Variants in TOP2A observed in about 807,000 individuals in gnomAD.
TOP2A encodes the protein DNA topoisomerase II alpha, also known as DNA topoisomerase 2-alpha.
A neutral mutation model predicts 187.2 loss-of-function variants in TOP2A; 68 were observed. The observed-to-expected ratio is 0.36, with a 90% CI of 0.30 to 0.44. TOP2A has a LOEUF of 0.44. Among genes scored for constraint, TOP2A ranks in the 20% least tolerant of loss-of-function variants. The pLI is 1.00. For synonymous variants in TOP2A, 542 were observed against 593.2 expected, an observed-to-expected ratio of 0.91 and a Z score of 1.25; for missense variants, 1,196 against 1,808.7, an observed-to-expected ratio of 0.66 and a Z score of 6.14.
At chr17:40,395,665 G>A (rs1313155327) in intron 28 of TOP2A, 126 bp from the exon 29 acceptor site, 5 of 551,684 alleles carry the variant, frequency 9.1e-6, no homozygotes, top group African/African-American at 1.9e-5. Flanking sequence ...GGAGGCCGTG[G>A]TGGGCAGATC....
In TOP2A at chr17:40,400,591, C is replaced by T. The variant is rs755029136; in HGVS notation, c.2737G>A (p.Val913Ile). Residue 913 changes from valine (V) to isoleucine (I), a missense_variant, in exon 22 of 35, where the codon GTA becomes ATA. Val to Ile is a conservative substitution (Grantham distance 29). Around this residue, in one of 10 missense-constraint regions of TOP2A, gnomAD observed 232 missense variants for 306.1 expected, o/e 0.76. Transcript: ENST00000423485. ...ATGGTTGTAGAATTAAGAATAGCTA[C>T]TTCACCACTAATCACATATTGATTT... ...APNQYVISGE[V>I]AILNSTTIEI... The T allele has an allele frequency of 1.9e-6, 3 of 1,611,696 alleles. No homozygotes were observed. Among genetic ancestry groups the T allele is most frequent in the South Asian group, 2.2e-5 (2 of 90,430 alleles).
At chr17:40,390,299 C>T (rs1379981351) in intron 33 of TOP2A, 135 bp from the exon 34 acceptor site, 29 of 771,646 alleles carry the variant, frequency 3.8e-5, no homozygotes, top group Non-Finnish European at 5.8e-5. Flanking sequence ...AGCGATTCTC[C>T]TGCCTCAGCC....
intron 10 of TOP2A, 97 bp from the exon 11 acceptor site, chr17:40,408,727 A>C (rs763697923): frequency 3.8e-6 from 5 of 1,308,850 alleles, no homozygotes; most frequent in Non-Finnish European, 5.5e-6. Context: ...AATAAAAATG[A>C]TTCAAAAATT....
intron 17 of TOP2A, 117 bp downstream of exon 17, chr17:40,404,674 T>A: frequency 1.3e-6 from 1 of 784,596 alleles, no homozygotes; most frequent in Non-Finnish European, 2.1e-6. Context: ...GCTGCACAAC[T>A]CTATCATATC....
chr17:40,392,547 C>G, intron 30 of TOP2A, 38 bp downstream of exon 30: 1 of 1,587,108 alleles, frequency 6.3e-7, no homozygotes, highest in South Asian at 1.2e-5. Flanking sequence ...CCATTCCACT[C>G]TTACAGTTTA....
rs781108895 is a variant in TOP2A at position 40,404,250 on chromosome 17, C to T, written c.2185G>A (p.Val729Ile). 3 of 1,613,670 alleles carry T rather than the reference C, an allele frequency of 1.9e-6. No homozygotes were observed. The highest frequency in any genetic ancestry group is 3.3e-5 in the Admixed American group (2 of 59,974). Reference sequence around the variant, plus strand: ...TTCCGTTTGAAGCAAGTAAACAAAACCTTTCTCTGACCTGGTTTCAAACCT... The same window carrying T: ...TTCCGTTTGAAGCAAGTAAACAAAATCTTTCTCTGACCTGGTTTCAAACCT... ...VDGLKPGQRK[V>I]LFTCFKRNDK... Residue 729 changes from valine (V) to isoleucine (I), a missense_variant, in exon 19 of 35, where the codon GTT becomes ATT. This residue lies in a region of TOP2A where 209 missense variants were observed against 376.9 expected (regional missense o/e 0.55). Coordinates refer to ENST00000423485, the MANE Select transcript of TOP2A (RefSeq NM_001067.4).
chr17:40,404,968 G>C, intron 16 of TOP2A, 85 bp from the exon 17 acceptor site: 34 of 730,526 alleles, frequency 4.7e-5, no homozygotes, highest in Non-Finnish European at 6.8e-5. Flanking sequence ...ACGAACAACA[G>C]AAAAACAAAA....
chr17:40,395,639 T>A (rs2035086614), intron 28 of TOP2A, 100 bp from the exon 29 acceptor site: 5 of 737,144 alleles, frequency 6.8e-6, no homozygotes, highest in Non-Finnish European at 1.1e-5. Flanking sequence ...CTCACGCCTG[T>A]AATCCCAGCA....
chr17:40,390,027 A>G lies in TOP2A; in HGVS notation c.4405T>C (p.Ser1469Pro). 2 of 1,613,910 alleles carry G rather than the reference A, an allele frequency of 1.2e-6. No homozygotes were observed. Among genetic ancestry groups the G allele is most frequent in the Non-Finnish European group, 1.7e-6 (2 of 1,179,864 alleles). ...KTKNRRKRKP[S>P]TSDDSDSNFE... ...TTAGAGTCAGAATCATCAGAAGTGG[A>G]TGGCTTCCTTTTGCGGCGATTCTTG... is the stretch of plus-strand genomic sequence containing the variant. Residue 1469 changes from serine to proline, a missense_variant, in exon 34 of 35, where the codon TCC (serine) becomes CCC (proline). By Grantham distance (74) the Ser-to-Pro change is moderately conservative. Around this residue, in one of 10 missense-constraint regions of TOP2A, gnomAD observed 374 missense variants for 403.3 expected, o/e 0.93. Coordinates refer to ENST00000423485, the MANE Select transcript of TOP2A (RefSeq NM_001067.4).
Position 40,398,899 on chromosome 17 carries a change from T to C in TOP2A, c.3327A>G (p.Glu1109=). 1 of 1,612,584 alleles carries C rather than the reference T, an allele frequency of 6.2e-7. No homozygotes were observed. The highest frequency in any genetic ancestry group is 2.2e-5 in the East Asian group (1 of 44,848). The change falls in exon 26 of 35, where the codon GAA becomes GAG. Residue 1109 remains glutamate, a synonymous_variant. Transcript: ENST00000423485. ...DEEENEESDN[E]KETEKSDSVT... is the part of the protein sequence containing the mutation. ...CGGAGTCACTCTTTTCAGTTTCCTTTTCGTTGTCACTCTCTTCATTTTCTT... is the reference window on the plus strand; with the variant it reads ...CGGAGTCACTCTTTTCAGTTTCCTTCTCGTTGTCACTCTCTTCATTTTCTT...
intron 13 of TOP2A, 29 bp downstream of exon 13, chr17:40,407,520 C>T (rs773217843): frequency 2.0e-6 from 3 of 1,515,514 alleles, no homozygotes; most frequent in South Asian, 1.3e-5. Flanking sequence ...TTTAGTTGAA[C>T]AATCTAAAAA....
At position 40,400,633 on chromosome 17, in the gene TOP2A, T is replaced by C. The variant is rs542323139; in HGVS notation, c.2695A>G (p.Ile899Val). Reference sequence around the variant, plus strand: ...TATTGATTTGGAGCCAGTTCTTCAATAGTACCCTTGAAGTTCTTGTAACTT... The same window carrying C: ...TATTGATTTGGAGCCAGTTCTTCAACAGTACCCTTGAAGTTCTTGTAACTT... ...LPSYKNFKGT[I>V]EELAPNQYVI... is the part of the protein sequence containing the mutation. The change falls in exon 22 of 35, where the codon ATT becomes GTT. Residue 899 changes from isoleucine to valine, a missense_variant. By Grantham distance (29) the Ile-to-Val change is conservative. Around this residue, in one of 10 missense-constraint regions of TOP2A, gnomAD observed 232 missense variants for 306.1 expected, o/e 0.76. Transcript: ENST00000423485. The C allele has an allele frequency of 2.5e-6, 4 of 1,606,000 alleles. No individual in the cohort carries two copies. The South Asian group carries it at 3.4e-5, about 14-fold the overall frequency.
rs369116933 is a variant in TOP2A, at chr17:40,389,991, T to C, written c.4441A>G (p.Ile1481Val). 1 of 1,613,714 alleles carries C rather than the reference T, an allele frequency of 6.2e-7. No homozygotes were observed. ...TTGCTTGTGACTGCTTTCGAAACAA[T>C]TTTCTCAAAATTAGAGTCAGAATCA... ...SDDSDSNFEK[I>V]VSKAVTSKKS... is the part of the protein sequence containing the mutation. The change falls in exon 34 of 35, where the codon ATT becomes GTT. Residue 1481 changes from isoleucine (I) to valine (V), a missense_variant. Around this residue, in one of 10 missense-constraint regions of TOP2A, gnomAD observed 374 missense variants for 403.3 expected, o/e 0.93. Transcript: ENST00000423485.
chr17:40,411,550 T>C lies in TOP2A; in HGVS notation c.963+95A>G. ...TAATTTAACCTCCTTTATACTAAGC[T>C]AGCCCAATATTCAAGTCCACTTTAT... On this transcript the variant is annotated intron_variant, in intron 8 of 34. Coordinates refer to ENST00000423485, the MANE Select transcript of TOP2A (RefSeq NM_001067.4). The surrounding 1 kb of genome is among the most constrained non-coding windows in gnomAD (Gnocchi z 4.4). 1 of 1,541,754 alleles carries C rather than the reference T, an allele frequency of 6.5e-7. No individual in the cohort carries two copies. The highest frequency in any genetic ancestry group is 9.0e-7 in the Non-Finnish European group (1 of 1,117,206).
rs1286659046 is a variant in TOP2A, at chr17:40,398,877, A to T, written c.3349T>A (p.Ser1117Thr). The T allele has an allele frequency of 6.2e-7, 1 of 1,613,776 alleles. No individual in the cohort carries two copies. Among genetic ancestry groups the T allele is most frequent in the African/African-American group, 1.3e-5 (1 of 75,038 alleles). Residue 1117 changes from serine to threonine, a missense_variant, in exon 26 of 35, where the codon TCC becomes ACC. Ser to Thr is a moderately conservative substitution (Grantham distance 58). This residue lies in a region of TOP2A where 232 missense variants were observed against 306.1 expected (regional missense o/e 0.76). Transcript: ENST00000423485. ...DNEKETEKSD[S>T]VTDSGPTFNY... Reference sequence around the variant, plus strand: ...AAGGTTGGTCCAGAATCTGTTACGGAGTCACTCTTTTCAGTTTCCTTTTCG... The same window carrying T: ...AAGGTTGGTCCAGAATCTGTTACGGTGTCACTCTTTTCAGTTTCCTTTTCG...
chr17:40,409,649 C>T, intron 10 of TOP2A: 2 of 249,438 alleles, frequency 8.0e-6, no homozygotes, highest in Non-Finnish European at 1.6e-5. Flanking sequence ...ATCCCCGCTA[C>T]TCAGGAGGCT....
chr17:40,403,151 T>C, intron 19 of TOP2A, 97 bp from the exon 20 acceptor site: 1 of 1,166,602 alleles, frequency 8.6e-7, no homozygotes, highest in Non-Finnish European at 1.2e-6. Context: ...TTGTGAGGTC[T>C]AGTTGTTTAG....
At chr17:40,407,731 A>C (rs2035266602) in intron 12 of TOP2A, 57 bp from the exon 13 acceptor site, 20 of 1,469,836 alleles carry the variant, frequency 1.4e-5, no homozygotes, top group Non-Finnish European at 1.7e-5. Context: ...AGAACAAAGA[A>C]ATTTAACAGT....
Position 40,412,904 on chromosome 17 carries a change from G to A in TOP2A, c.644C>T (p.Thr215Ile), listed in dbSNP as rs2143685726. The A allele has an allele frequency of 6.2e-7, 1 of 1,613,830 alleles. No individual in the cohort carries two copies. The highest frequency in any genetic ancestry group is 1.6e-4 in the Middle Eastern group (1 of 6,062). ...CAAATCAGGCTGAAAGGTGATACAT[G>A]TATAATCTTCTCCATTGAAGGGCTT... ...ELKPFNGEDYTCITFQPDLSK... is the reference protein window; with the variant it reads ...ELKPFNGEDYICITFQPDLSK... Residue 215 changes from threonine (T) to isoleucine (I), a missense_variant, in exon 7 of 35, where the codon ACA becomes ATA. By Grantham distance (89) the Thr-to-Ile change is moderately conservative (BLOSUM62 -1). Coordinates refer to ENST00000423485, the MANE Select transcript of TOP2A (RefSeq NM_001067.4).
Sources: gnomAD v4.1 joint callset for allele counts on GRCh38, gnomAD v4.1.1 for gene constraint, gnomAD v4.1.1 regional missense constraint, Gnocchi (gnomAD v3.1) non-coding constraint, MANE v1.5 for transcripts, NCBI Gene and HGNC (gene_info 2026-07-23, HGNC 2026-07-21) for gene names.